Variants in VPS50 observed in about 807,000 individuals in gnomAD.
VPS50 encodes the protein VPS50 subunit of EARP/GARPII complex.
Under a neutral mutation model 139.7 loss-of-function variants are expected in VPS50, and 70 were observed. The observed-to-expected ratio is 0.50, with a 90% confidence interval of 0.41 to 0.61. The LOEUF is 0.61. Ranked by LOEUF, VPS50 falls within the 20% of genes least tolerant of loss-of-function variation. VPS50 has a pLI of 0.00. For synonymous variants in VPS50, 365 were observed against 376.7 expected (o/e 0.97, Z 0.36); for missense variants, 921 against 1,133.7 (o/e 0.81, Z 2.69).
At chr7:93,304,988 A>T (rs905182985) in intron 17 of VPS50, among the ~76,000 whole-genome samples, 1 of 151,952 alleles carries the variant, frequency 6.6e-6, no homozygotes, top group Non-Finnish European at 1.5e-5. Flanking sequence ...GTACCTTTCA[A>T]GAATTTTAAG....
At chr7:93,285,963 A>G (rs1404592356) in intron 12 of VPS50, among the ~76,000 whole-genome samples, 2 of 152,102 alleles carry the variant, frequency 1.3e-5, no homozygotes, top group Non-Finnish European at 2.9e-5. Context: ...TGTCTCTGTT[A>G]TAGAGTTTAT....
chr7:93,246,233 G>A, intron 2 of VPS50: 5 of 739,752 alleles, frequency 6.8e-6, no homozygotes, highest in Non-Finnish European at 9.1e-6. Context: ...AAGATTTGCT[G>A]TGGCAAACCG....
At chr7:93,264,121 A>G (rs1795770414) in intron 9 of VPS50, among the ~76,000 whole-genome samples, 1 of 152,188 alleles carries the variant, frequency 6.6e-6, no homozygotes, top group African/African-American at 2.4e-5. Context: ...AATGATTATC[A>G]TATAATGATG....
At chr7:93,275,407 C>A (rs1360476312) in intron 11 of VPS50, among the ~76,000 whole-genome samples, 1 of 152,100 alleles carries the variant, frequency 6.6e-6, no homozygotes, top group African/African-American at 2.4e-5. Flanking sequence ...TTGCCATAGC[C>A]ACTTCGGCCT....
chr7:93,259,812 T>G (rs1795611654), intron 9 of VPS50, among the ~76,000 whole-genome samples, 180 bp downstream of exon 9: 1 of 152,204 alleles, frequency 6.6e-6, no homozygotes, highest in Admixed American at 6.5e-5. Flanking sequence ...GTGTGAAAGA[T>G]CAGATACTTT....
chr7:93,343,411 A>C (rs1584489335), intron 23 of VPS50, among the ~76,000 whole-genome samples: 1 of 152,222 alleles, frequency 6.6e-6, no homozygotes, highest in East Asian at 1.9e-4. Flanking sequence ...GACACTCTGC[A>C]GGATATTATC....
At chr7:93,263,639 T>C (rs1795753118) in intron 9 of VPS50, among the ~76,000 whole-genome samples, 1 of 152,222 alleles carries the variant, frequency 6.6e-6, no homozygotes, top group Non-Finnish European at 1.5e-5. Flanking sequence ...TGGAAAAACT[T>C]AGGACTGACT....
At chr7:93,315,660 G>T (rs1797404670) in intron 20 of VPS50, among the ~76,000 whole-genome samples, 2 of 152,090 alleles carry the variant, frequency 1.3e-5, no homozygotes, top group Admixed American at 1.3e-4. Context: ...AATTATGAGT[G>T]AATTGAAGCA....
At chr7:93,303,420 T>C (rs1348070052) in intron 16 of VPS50, 40 bp from the exon 17 acceptor site, 2 of 881,960 alleles carry the variant, frequency 2.3e-6, no homozygotes, top group Non-Finnish European at 3.7e-6. Context: ...CGGTGTACTT[T>C]TCTTCTCACT....
In VPS50 at chr7:93,329,356, C is replaced by T. The variant is rs552687843; in HGVS notation, c.1978-4761C>T. Among the ~76,000 whole-genome samples, 12 of 151,778 alleles carry T rather than the reference C, an allele frequency of 7.9e-5. No homozygotes were observed. The South Asian group carries it at 2.1e-3, about 26-fold the overall frequency. On this transcript the variant is annotated intron_variant, in intron 21 of 27. Transcript: ENST00000305866. ...ATACTTAACAGCCAAATGGACATGA[C>T]AGAAGAAAGAATATGTGAACTTAAA...
intron 23 of VPS50, among the ~76,000 whole-genome samples, chr7:93,346,732 C>T (rs1798406021): frequency 6.9e-6 from 1 of 145,026 alleles, no homozygotes; most frequent in South Asian, 2.2e-4. Context: ...GGAAAGGATT[C>T]CCTATTTAAT....
chr7:93,358,054 C>T (rs767597653), intron 27 of VPS50, among the ~76,000 whole-genome samples: 3 of 152,098 alleles, frequency 2.0e-5, no homozygotes, highest in Non-Finnish European at 4.4e-5. Flanking sequence ...AAGAAGCATA[C>T]GCATGTCAGA....
chr7:93,252,594 C>A, intron 2 of VPS50, 59 bp from the exon 3 acceptor site: 1 of 1,109,634 alleles, frequency 9.0e-7, no homozygotes, highest in Non-Finnish European at 1.3e-6. Flanking sequence ...CATTTATTTC[C>A]ATGCAGATAT....
intron 22 of VPS50, 56 bp from the exon 23 acceptor site, chr7:93,341,371 G>C (rs1036439663): frequency 1.2e-5 from 14 of 1,189,838 alleles, no homozygotes; most frequent in Non-Finnish European, 1.5e-5. Context: ...TCAAAATCAC[G>C]TGGTTTATTA....
chr7:93,281,146 A>G (rs1241909892), intron 12 of VPS50, among the ~76,000 whole-genome samples: 1 of 152,188 alleles, frequency 6.6e-6, no homozygotes, highest in Non-Finnish European at 1.5e-5. Context: ...TCTCTGAGCC[A>G]TGTACTTTTA....
intron 20 of VPS50, among the ~76,000 whole-genome samples, chr7:93,313,300 C>T (rs952438991): frequency 6.6e-6 from 1 of 152,134 alleles, no homozygotes; most frequent in Non-Finnish European, 1.5e-5. Flanking sequence ...CTGTATATTG[C>T]TCTTACAGGG....
intron 12 of VPS50, among the ~76,000 whole-genome samples, chr7:93,290,932 C>CA (rs1366148711): frequency 1.3e-5 from 2 of 152,066 alleles, no homozygotes; most frequent in African/African-American, 2.4e-5. Context: ...AGTTTACTTA[C>CA]ACCAGAGTCT....
At position 93,350,128 on chromosome 7, in the gene VPS50, T is replaced by C. The variant is rs1342001000; in HGVS notation, c.2463+95T>C. The C allele has an allele frequency of 3.9e-6, 3 of 761,194 alleles. No individual in the cohort carries two copies. The East Asian group carries it at 8.4e-5, about 21-fold the overall frequency. The allele number at this position is 761,194 out of a possible 1,614,324, so 47.2% of individuals were successfully genotyped here. A position where few individuals can be genotyped will look rare whatever the true frequency, so the allele number is the denominator to read the frequency against. ...CTCTAAAATAGTAAGATTATAGTTATTACCACATTTCTAGCATTGTGGTAT... is the reference window on the plus strand; with the variant it reads ...CTCTAAAATAGTAAGATTATAGTTACTACCACATTTCTAGCATTGTGGTAT... On this transcript the variant is annotated intron_variant, in intron 25 of 27. Transcript: ENST00000305866.
chr7:93,239,191 T>C (rs1794906486), intron 1 of VPS50, among the ~76,000 whole-genome samples: 1 of 152,212 alleles, frequency 6.6e-6, no homozygotes, highest in South Asian at 2.1e-4. Flanking sequence ...CTGCTTCGAA[T>C]AGCCTATTTT....
Sources: allele counts gnomAD v4.1 joint callset (sites outside exome capture counted in the v4.1 genomes callset), GRCh38; gene constraint gnomAD v4.1.1; transcripts MANE v1.5; gene names NCBI Gene and HGNC (gene_info 2026-07-23, HGNC 2026-07-21).